The following ATL2 variants were observed in gnomAD, a reference collection of about 807,000 sequenced individuals.
The protein encoded by ATL2 is atlastin-2.
A neutral mutation model predicts 73.9 loss-of-function variants in ATL2; 31 were observed. That is an observed-to-expected ratio of 0.42 (90% CI 0.32 to 0.57). ATL2 has a LOEUF of 0.57. Ranked by LOEUF, ATL2 falls within the 20% of genes least tolerant of loss-of-function variation. The pLI is 0.14. For missense variants in ATL2, 738 were observed against 702.6 expected (o/e 1.05, Z -0.57); for synonymous variants, 291 against 237.5 (o/e 1.23, Z -2.07).
chr2:38,354,828 T>G (rs985288836), intron 1 of ATL2, among the ~76,000 whole-genome samples: 1 of 151,980 alleles, frequency 6.6e-6, no homozygotes, highest in African/African-American at 2.4e-5. Flanking sequence ...AGGCGGAGGT[T>G]GCAGTGAGCC....
At chr2:38,302,210 C>T (rs999045757) in intron 9 of ATL2, among the ~76,000 whole-genome samples, 1 of 152,124 alleles carries the variant, frequency 6.6e-6, no homozygotes, top group African/African-American at 2.4e-5. Context: ...CACTATGGGC[C>T]TTGGGTGAGA....
intron 1 of ATL2, among the ~76,000 whole-genome samples, chr2:38,346,676 A>G (rs1308697748): frequency 6.6e-6 from 1 of 152,214 alleles, no homozygotes; most frequent in Non-Finnish European, 1.5e-5. Context: ...TCGCGCTCCT[A>G]TGAGAATCTG....
intron 9 of ATL2, among the ~76,000 whole-genome samples, chr2:38,301,663 G>C (rs560198131): frequency 2.6e-5 from 4 of 152,354 alleles, no homozygotes; most frequent in African/African-American, 9.6e-5. Flanking sequence ...CACCCATGGA[G>C]GAAGAATTTA....
chr2:38,318,741 A>G, intron 3 of ATL2, 102 bp from the exon 4 acceptor site: 1 of 1,314,074 alleles, frequency 7.6e-7, no homozygotes, highest in Non-Finnish European at 1.0e-6. Flanking sequence ...AAATCAAGAA[A>G]AGTACTTATA....
At chr2:38,333,353 T>A (rs1296078469) in intron 2 of ATL2, among the ~76,000 whole-genome samples, 1 of 151,692 alleles carries the variant, frequency 6.6e-6, no homozygotes, top group Non-Finnish European at 1.5e-5. Flanking sequence ...CCTGGCAGAG[T>A]GAGGGAAGGA....
At chr2:38,376,973 G>C (rs959760533) in intron 1 of ATL2, among the ~76,000 whole-genome samples, 170 bp downstream of exon 1, 6 of 151,208 alleles carry the variant, frequency 4.0e-5, no homozygotes, top group Admixed American at 6.6e-5. Context: ...CGCGCTGCGG[G>C]AGCGCGGGGC....
intron 1 of ATL2, 105 bp downstream of exon 1, chr2:38,377,038 A>AGCCGCGGACTCCGACCCC (rs1672016575): frequency 1.9e-6 from 2 of 1,035,668 alleles, no homozygotes; most frequent in African/African-American, 1.7e-5. Context: ...GACCTGAACC[A>AGCCGCGGACTCCGACCCC]GCCGCGGACT....
At chr2:38,316,324 A>G (rs985091936) in intron 4 of ATL2, among the ~76,000 whole-genome samples, 5 of 152,212 alleles carry the variant, frequency 3.3e-5, no homozygotes, top group African/African-American at 1.2e-4. Flanking sequence ...CCCTGACACC[A>G]TGACCAACCT....
At chr2:38,318,505 C>T (rs1668148109) in intron 4 of ATL2, 30 bp downstream of exon 4, 3 of 1,478,758 alleles carry the variant, frequency 2.0e-6, no homozygotes, top group South Asian at 2.5e-5. Flanking sequence ...ATTACGTGAA[C>T]TGATCGCACC....
chr2:38,365,168 T>TAC (rs143111604), intron 1 of ATL2, among the ~76,000 whole-genome samples: 5,809 of 135,316 alleles, frequency 0.043, 131 homozygotes, highest in Middle Eastern at 0.07. Context: ...CACACACAAA[T>TAC]ACACACACAC....
At chr2:38,330,834 T>C (rs1668945699) in intron 2 of ATL2, among the ~76,000 whole-genome samples, 3 of 152,222 alleles carry the variant, frequency 2.0e-5, no homozygotes, top group Admixed American at 1.3e-4. Flanking sequence ...CAATCACTGA[T>C]AGAATCCCAG....
intron 2 of ATL2, among the ~76,000 whole-genome samples, chr2:38,342,670 G>A (rs1669791560): frequency 6.6e-6 from 1 of 152,108 alleles, no homozygotes; most frequent in South Asian, 2.1e-4. Context: ...TTTACTCACT[G>A]TAAAGGTGGC....
chr2:38,335,917 C>A (rs929352071), intron 2 of ATL2, among the ~76,000 whole-genome samples: 1 of 152,140 alleles, frequency 6.6e-6, no homozygotes, highest in Admixed American at 6.5e-5. Flanking sequence ...GCGGGAGGTA[C>A]TTGGCAGTCT....
intron 7 of ATL2, among the ~76,000 whole-genome samples, chr2:38,312,842 T>A (rs1476863637): frequency 6.6e-6 from 1 of 152,136 alleles, no homozygotes; most frequent in Non-Finnish European, 1.5e-5. Flanking sequence ...CTTTTCTTCA[T>A]AAATTACCCA....
chr2:38,308,764 A>G (rs925255660), intron 9 of ATL2, among the ~76,000 whole-genome samples: 2 of 152,144 alleles, frequency 1.3e-5, no homozygotes, highest in African/African-American at 4.8e-5. Flanking sequence ...AATTAAAAGT[A>G]AAAATAAATT....
Position 38,375,664 on chromosome 2 carries a change from A to C in ATL2, c.118+1479T>G, listed in dbSNP as rs1157124322. On this transcript the variant is annotated intron_variant, in intron 1 of 12. Transcript: ENST00000378954. Reference sequence around the variant, plus strand: ...AGAAAGAAAGAGAAAGAAAGAAAAGAACACACACTTCTTCCCCTAGGGTCC... The same window carrying C: ...AGAAAGAAAGAGAAAGAAAGAAAAGCACACACACTTCTTCCCCTAGGGTCC... Among the ~76,000 whole-genome samples the C allele has an allele frequency of 3.9e-5, 6 of 152,356 alleles. No individual in the cohort carries two copies. The East Asian group carries it at 9.6e-4, about 24-fold the overall frequency.
chr2:38,322,386 G>T (rs1207411726), intron 2 of ATL2, among the ~76,000 whole-genome samples: 1 of 152,072 alleles, frequency 6.6e-6, no homozygotes, highest in African/African-American at 2.4e-5. Context: ...AGTGTGCCTG[G>T]CTTGTAGTTG....
chr2:38,318,876 G>GA lies in ATL2; in HGVS notation c.498+8dup. On this transcript the variant is annotated intron_variant, in intron 3 of 12. Transcript: ENST00000378954. ...AATACAGGGTAGAAAAGTATAAACAGAATTTTACTTTAGTTCCATTAGGTC... is the reference window on the plus strand; with the variant it reads ...AATACAGGGTAGAAAAGTATAAACAGAAATTTTACTTTAGTTCCATTAGGTC... The GA allele has an allele frequency of 6.2e-7, 1 of 1,609,808 alleles. No individual in the cohort carries two copies. The highest frequency in any genetic ancestry group is 1.1e-5 in the South Asian group (1 of 89,610).
intron 2 of ATL2, among the ~76,000 whole-genome samples, chr2:38,334,078 G>A (rs1241897743): frequency 7.1e-6 from 1 of 141,126 alleles, no homozygotes; most frequent in Non-Finnish European, 1.5e-5. Context: ...CACCCAGGCT[G>A]GAATACAGTG....
Sources: gnomAD v4.1 joint callset for allele counts (sites outside exome capture counted in the v4.1 genomes callset) on GRCh38, gnomAD v4.1.1 for gene constraint, MANE v1.5 for transcripts, NCBI Gene and HGNC (gene_info 2026-07-23, HGNC 2026-07-21) for gene names.